Variants in FBXO34 observed in about 807,000 individuals in gnomAD.
FBXO34 encodes F-box only protein 34.
In FBXO34, 12 loss-of-function variants were observed where a neutral mutation model predicts 24.5. The observed-to-expected ratio is 0.49, with a 90% CI of 0.31 to 0.79. The LOEUF is 0.79. FBXO34 is among the 30% of genes least tolerant of loss of function. The pLI, the probability that FBXO34 is intolerant of heterozygous loss-of-function variation, is 0.04. For synonymous variants in FBXO34, 320 were observed against 311.9 expected (o/e 1.03, Z -0.27); for missense variants, 823 against 857.7 (o/e 0.96, Z 0.51).
At chr14:55,439,836 T>C in the FBXO34 span, among the ~76,000 whole-genome samples, 15 of 144,218 alleles carry the variant, frequency 1.0e-4, no homozygotes, top group African/African-American at 3.6e-4. Context: ...GAGGCTGAGG[T>C]AGGAGAATGG....
the FBXO34 span, among the ~76,000 whole-genome samples, chr14:55,406,277 T>C: frequency 2.0e-5 from 3 of 152,340 alleles, no homozygotes; most frequent in South Asian, 6.2e-4. Flanking sequence ...CATTATCACA[T>C]TCAAGATCCA....
At chr14:55,381,821 A>T in the FBXO34 span, 1 of 674,556 alleles carries the variant, frequency 1.5e-6, no homozygotes, top group Non-Finnish European at 2.5e-6. Flanking sequence ...TTTTGAAATG[A>T]CATGGAGGTG....
rs376387878 is a variant in FBXO34 at position 55,307,260 on chromosome 14, G to A, written c.-11+35723G>A. Among the ~76,000 whole-genome samples, 4 of 152,296 alleles carry A rather than the reference G, an allele frequency of 2.6e-5. No homozygotes were observed. The East Asian group carries it at 7.7e-4, about 29-fold the overall frequency. On this transcript the variant is annotated intron_variant, in intron 1 of 1. Transcript: ENST00000313833. ...ATCTGCTTTGTACTACTAGCCTTTT[G>A]TGTTCTCTGGACTACCTACTGTATT...
At chr14:55,390,868 T>C in the FBXO34 span, 52 of 1,361,356 alleles carry the variant, frequency 3.8e-5, no homozygotes, top group Middle Eastern at 1.8e-4. Context: ...AAATTCCACA[T>C]AGGCACTTTC....
At chr14:55,273,011 T>G (rs1416921908) in intron 1 of FBXO34, among the ~76,000 whole-genome samples, 2 of 152,228 alleles carry the variant, frequency 1.3e-5, no homozygotes, top group Admixed American at 6.5e-5. Context: ...CTTCGGGTAT[T>G]CCAGCATATC....
At chr14:55,300,438 T>C (rs1185766487) in intron 1 of FBXO34, among the ~76,000 whole-genome samples, 2 of 151,962 alleles carry the variant, frequency 1.3e-5, no homozygotes, top group East Asian at 3.9e-4. Context: ...TACAAAAAAA[T>C]ACAAAAATTA....
At chr14:55,437,727 G>T in the FBXO34 span, among the ~76,000 whole-genome samples, 1 of 152,136 alleles carries the variant, frequency 6.6e-6, no homozygotes, top group African/African-American at 2.4e-5. Flanking sequence ...ACTTTACTTT[G>T]AAATAATTTT....
intron 1 of FBXO34, among the ~76,000 whole-genome samples, chr14:55,339,846 C>G (rs1220247910): frequency 6.6e-6 from 1 of 152,126 alleles, no homozygotes; most frequent in East Asian, 1.9e-4. Flanking sequence ...CATACTGCTA[C>G]TTCAGTCTTG....
At chr14:55,418,522 A>C in the FBXO34 span, among the ~76,000 whole-genome samples, 3 of 152,166 alleles carry the variant, frequency 2.0e-5, no homozygotes, top group Non-Finnish European at 4.4e-5. Context: ...ACATATACCA[A>C]TTTACTATTA....
chr14:55,312,466 C>T (rs952320718), intron 1 of FBXO34, among the ~76,000 whole-genome samples: 3 of 152,192 alleles, frequency 2.0e-5, no homozygotes, highest in African/African-American at 7.2e-5. Flanking sequence ...CTCAACTAGG[C>T]AGTACCCCAG....
the FBXO34 span, among the ~76,000 whole-genome samples, chr14:55,392,325 C>T: frequency 1.3e-5 from 2 of 152,088 alleles, no homozygotes; most frequent in Admixed American, 1.3e-4. Flanking sequence ...TTGGGGACCC[C>T]TGCCTTAAAG....
chr14:55,440,536 C>T, the FBXO34 span: 1 of 1,604,262 alleles, frequency 6.2e-7, no homozygotes, highest in Non-Finnish European at 8.5e-7. Context: ...GGCCAGGGCG[C>T]AGAGGCCATT....
chr14:55,442,642 C>T, the FBXO34 span, among the ~76,000 whole-genome samples: 1 of 152,064 alleles, frequency 6.6e-6, no homozygotes, highest in Non-Finnish European at 1.5e-5. Context: ...ATAAAGGAAA[C>T]ATTTTGATGA....
At chr14:55,369,735 G>A (rs757292108), downstream of FBXO34, 3 of 1,613,862 alleles carry the variant, frequency 1.9e-6, no homozygotes, top group South Asian at 2.2e-5. Flanking sequence ...CTCTGACTCT[G>A]GGAGACTTCC....
chr14:55,327,213 G>C (rs1566557500), intron 1 of FBXO34, among the ~76,000 whole-genome samples: 1 of 152,188 alleles, frequency 6.6e-6, no homozygotes, highest in East Asian at 1.9e-4. Flanking sequence ...ACATGTAAAG[G>C]CTCTGAGGTG....
At chr14:55,428,916 A>G in the FBXO34 span, 4 of 1,614,114 alleles carry the variant, frequency 2.5e-6, no homozygotes, top group Non-Finnish European at 3.4e-6. Flanking sequence ...CTGGCAGGGA[A>G]CCCAAGCTTC....
At chr14:55,289,619 A>T (rs1428771365) in intron 1 of FBXO34, among the ~76,000 whole-genome samples, 1 of 152,162 alleles carries the variant, frequency 6.6e-6, no homozygotes, top group Non-Finnish European at 1.5e-5. Flanking sequence ...CAGTGCAGCC[A>T]CAACATCCTG....
chr14:55,406,960 T>C, the FBXO34 span, among the ~76,000 whole-genome samples: 3 of 151,512 alleles, frequency 2.0e-5, no homozygotes, highest in African/African-American at 4.9e-5. Flanking sequence ...ATTTTTGAGA[T>C]TGTCTTTTTT....
rs761773734 is a variant in FBXO34, at chr14:55,351,318, C to G, written c.928C>G (p.Arg310Gly). 1 of 1,614,156 alleles carries G rather than the reference C, an allele frequency of 6.2e-7. No individual in the cohort carries two copies. ...CCTCTCAAGGAATAACAGCTTCCGT[C>G]GAAATGTGGGCAGAGTATTGCTTGC... is the stretch of plus-strand genomic sequence containing the variant. ...GSLSRNNSFR[R>G]NVGRVLLANS... The change falls in exon 2 of 2, where the codon CGA (arginine) becomes GGA (glycine). Residue 310 changes from arginine (R) to glycine (G), a missense_variant. Around this residue, in one of 2 missense-constraint regions of FBXO34, gnomAD observed 693 missense variants for 659.1 expected, o/e 1.05. Coordinates refer to ENST00000313833, the MANE Select transcript of FBXO34 (RefSeq NM_017943.4).
Sources: allele counts gnomAD v4.1 joint callset (sites outside exome capture counted in the v4.1 genomes callset), GRCh38; gene constraint gnomAD v4.1.1; regional missense constraint gnomAD v4.1.1; transcripts MANE v1.5; gene names NCBI Gene and HGNC (gene_info 2026-07-23, HGNC 2026-07-21).